Variants in SMAD3 observed in about 807,000 individuals in gnomAD.
SMAD3 encodes SMAD family member 3.
In SMAD3, 12 loss-of-function variants were observed where a neutral mutation model predicts 51.8. The observed-to-expected ratio is 0.23, with a 90% CI of 0.15 to 0.38. The LOEUF is 0.38. Among genes scored for constraint, SMAD3 ranks in the 10% least tolerant of loss-of-function variants. The pLI, the probability that SMAD3 is intolerant of heterozygous loss-of-function variation, is 1.00. For synonymous variants in SMAD3, 238 were observed against 227.7 expected (o/e 1.05, Z -0.41); for missense variants, 294 against 565.6 (o/e 0.52, Z 4.87).
intron 4 of SMAD3, among the ~76,000 whole-genome samples, 184 bp downstream of exon 4, chr15:67,167,037 G>A (rs1307023476): frequency 1.3e-5 from 2 of 152,200 alleles, no homozygotes; most frequent in Admixed American, 1.3e-4. Context: ...CACAGATGAT[G>A]GGGGAGATTG....
Position 67,170,612 on chromosome 15 carries a change from T to G in SMAD3, c.658+8T>G, listed in dbSNP as rs1566994469. The G allele has an allele frequency of 6.2e-7, 1 of 1,612,816 alleles. No homozygotes were observed. Among genetic ancestry groups the G allele is most frequent in the East Asian group, 2.2e-5 (1 of 44,878 alleles). The stretch of plus-strand genomic sequence containing the variant: ...CAGCACATAATAACTTGGGTGAGTA[T>G]CTCCTTGTGCACACAACTGGAACCC... On this transcript the variant is annotated splice_region_variant and intron_variant, in intron 5 of 8. Coordinates refer to ENST00000327367, the MANE Select transcript of SMAD3 (RefSeq NM_005902.4).
At chr15:67,141,714 T>C (rs554731663) in intron 1 of SMAD3, among the ~76,000 whole-genome samples, 1 of 152,258 alleles carries the variant, frequency 6.6e-6, no homozygotes, top group East Asian at 1.9e-4. Context: ...AGATGATCTG[T>C]GAGCTGTTTT....
rs759319479 is a variant in SMAD3 at position 67,165,030 on chromosome 15, T to C, written c.342T>C (p.Asn114=). ...TGGAGCTGTGTGAGTTCGCCTTCAA[T>C]ATGAAGAAGGACGAGGTCTGCGTGA... ...RAMELCEFAF[N]MKKDEVCVNP... is the part of the protein sequence containing the mutation. Residue 114 remains asparagine (N), a synonymous_variant, in exon 2 of 9, where the codon AAT becomes AAC. Transcript: ENST00000327367. 3 of 1,614,052 alleles carry C rather than the reference T, an allele frequency of 1.9e-6. No individual in the cohort carries two copies. The African/African-American group carries it at 4.0e-5, about 22-fold the overall frequency.
At chr15:67,127,030 G>GT (rs1015075496) in intron 1 of SMAD3, among the ~76,000 whole-genome samples, 1 of 152,184 alleles carries the variant, frequency 6.6e-6, no homozygotes, top group African/African-American at 2.4e-5. Flanking sequence ...GTGGTGGTCA[G>GT]TTTTTCCACT....
At chr15:67,131,507 G>T (rs565557440) in intron 1 of SMAD3, among the ~76,000 whole-genome samples, 2 of 152,182 alleles carry the variant, frequency 1.3e-5, no homozygotes, top group South Asian at 2.1e-4. Context: ...CTGAATGGTG[G>T]CTGATGTCTG....
At chr15:67,166,720 G>A in intron 3 of SMAD3, 59 bp from the exon 4 acceptor site, 4 of 1,144,118 alleles carry the variant, frequency 3.5e-6, no homozygotes, top group Non-Finnish European at 5.2e-6. Context: ...TTTGCAAAAG[G>A]TGTCTCAGAG....
chr15:67,159,665 TACTCCCTCCCTGTA>T (rs57062854), intron 1 of SMAD3, among the ~76,000 whole-genome samples: 54,340 of 151,960 alleles, frequency 0.36, 10,329 homozygotes, highest in African/African-American at 0.49. Flanking sequence ...CTCCAATCCC[TACTCCCTCCCTGTA>T]ACTCCCTCTG....
intron 1 of SMAD3, among the ~76,000 whole-genome samples, chr15:67,160,770 C>CAAAAAAAAAAAAAAAAAA (rs547354315): frequency 3.3e-5 from 2 of 61,038 alleles, no homozygotes; most frequent in African/African-American, 1.5e-4. Flanking sequence ...GACTCCATCT[C>CAAAAAAAAAAAAAAAAAA]AAAAAAAAAA....
intron 1 of SMAD3, among the ~76,000 whole-genome samples, chr15:67,109,679 A>G (rs972535090): frequency 1.3e-5 from 2 of 152,200 alleles, no homozygotes; most frequent in African/African-American, 4.8e-5. Context: ...AACACACTTA[A>G]TGGACAAGGG....
intron 1 of SMAD3, among the ~76,000 whole-genome samples, chr15:67,068,053 T>G (rs1595883105): frequency 1.3e-5 from 2 of 152,328 alleles, no homozygotes; most frequent in East Asian, 1.9e-4. Context: ...CAGGCAGCTG[T>G]GAAAAGTGTT....
chr15:67,129,570 G>A (rs778095488), intron 1 of SMAD3, among the ~76,000 whole-genome samples: 2 of 152,196 alleles, frequency 1.3e-5, no homozygotes, highest in Non-Finnish European at 2.9e-5. Context: ...AAAACACAGT[G>A]TCTATAGAGT....
intron 1 of SMAD3, among the ~76,000 whole-genome samples, chr15:67,117,443 C>T (rs1212642561): frequency 2.6e-5 from 4 of 152,084 alleles, no homozygotes; most frequent in Non-Finnish European, 5.9e-5. Context: ...GAGGAGGAAA[C>T]CTGTGCCCCA....
At position 67,177,422 on chromosome 15, in the gene SMAD3, G is replaced by GTTTTTTTTTTTTTTTTTTTTTTTTT. The variant is rs68095915; in HGVS notation, c.659-3806_659-3805insTTTTTTTTTTTTTTTTTTTTTTTTT. Among the ~76,000 whole-genome samples, 8 of 93,904 alleles carry GTTTTTTTTTTTTTTTTTTTTTTTTT rather than the reference G, an allele frequency of 8.5e-5. 1 individual carries two copies. Among genetic ancestry groups the GTTTTTTTTTTTTTTTTTTTTTTTTT allele is most frequent in the Admixed American group, 2.4e-4 (2 of 8,196 alleles). 61.6% of individuals were successfully genotyped at this position (93,904 alleles called of 152,430 possible). ...AATGAGGGCATATTTAGTGTTTTGG[G>GTTTTTTTTTTTTTTTTTTTTTTTTT]TTTTTTTTTTTTTGGTGTGTGGCAG... On this transcript the variant is annotated intron_variant, in intron 5 of 8. Coordinates refer to ENST00000327367, the MANE Select transcript of SMAD3 (RefSeq NM_005902.4).
intron 1 of SMAD3, among the ~76,000 whole-genome samples, chr15:67,109,639 G>T (rs11071934): frequency 6.6e-6 from 1 of 151,938 alleles, no homozygotes; most frequent in South Asian, 2.1e-4. Flanking sequence ...AAACACACAC[G>T]CACACAAAGA....
chr15:67,067,761 G>A (rs759561898), intron 1 of SMAD3, among the ~76,000 whole-genome samples: 29 of 152,200 alleles, frequency 1.9e-4, no homozygotes, highest in Non-Finnish European at 3.4e-4. Context: ...GCGGTGTGCT[G>A]TCTGGGGAAG....
intron 1 of SMAD3, among the ~76,000 whole-genome samples, chr15:67,092,761 C>T (rs1960534353): frequency 6.6e-6 from 1 of 152,162 alleles, no homozygotes; most frequent in Admixed American, 6.5e-5. Context: ...TTGCTCTTAA[C>T]CTCTTAATGG....
At position 67,194,037 on chromosome 15, in the gene SMAD3, C is replaced by G; in HGVS notation, c.*3501C>G. The G allele has an allele frequency of 4.3e-6, 1 of 233,370 alleles. No homozygotes were observed. The highest frequency in any genetic ancestry group is 6.0e-5 in the East Asian group (1 of 16,700). The allele number at this position is 233,370 out of a possible 1,614,324, so 14.5% of individuals were successfully genotyped here. ...AGATGTAGGGAGAAGAATCTGCAGG[C>G]TGCTTGTAGGACTGTTCACCAAGGG... is the stretch of plus-strand genomic sequence containing the variant. On this transcript the variant is annotated 3_prime_UTR_variant, in exon 9 of 9. Transcript: ENST00000327367.
intron 1 of SMAD3, among the ~76,000 whole-genome samples, chr15:67,076,030 T>G (rs76528581): frequency 0.014 from 2,174 of 152,144 alleles, 62 homozygotes; most frequent in African/African-American, 0.05. Flanking sequence ...CAAGGGGAAA[T>G]TTGGCAGATG....
chr15:67,174,073 G>A (rs1595949884), intron 5 of SMAD3, among the ~76,000 whole-genome samples: 1 of 152,222 alleles, frequency 6.6e-6, no homozygotes, highest in East Asian at 1.9e-4. Context: ...TTCCCATAGC[G>A]GGGCCTGAGA....
Sources: allele counts gnomAD v4.1 joint callset (sites outside exome capture counted in the v4.1 genomes callset), GRCh38; gene constraint gnomAD v4.1.1; transcripts MANE v1.5; gene names NCBI Gene and HGNC (gene_info 2026-07-23, HGNC 2026-07-21).